Variants in BMPR2 observed in about 807,000 individuals in gnomAD.
BMPR2 encodes bone morphogenetic protein receptor type 2.
Under a neutral mutation model 100.8 loss-of-function variants are expected in BMPR2, and 29 were observed. The observed-to-expected ratio is 0.29, with a 90% CI of 0.21 to 0.39. BMPR2 has a LOEUF of 0.39. Ranked by LOEUF, BMPR2 falls within the 10% of genes least tolerant of loss-of-function variation. The pLI, the probability that BMPR2 is intolerant of heterozygous loss-of-function variation, is 1.00. For missense variants in BMPR2, 1,011 were observed against 1,274.5 expected (o/e 0.79, Z 3.15); for synonymous variants, 382 against 442.3 (o/e 0.86, Z 1.71).
intron 1 of BMPR2, among the ~76,000 whole-genome samples, chr2:202,422,436 A>C (rs973361336): frequency 3.2e-4 from 49 of 151,508 alleles, no homozygotes; most frequent in Admixed American, 3.0e-3. Flanking sequence ...CCTCCCGAGT[A>C]GCTGGGACTA....
At chr2:202,546,165 G>A (rs184398289) in intron 10 of BMPR2, among the ~76,000 whole-genome samples, 5 of 152,216 alleles carry the variant, frequency 3.3e-5, no homozygotes, top group Admixed American at 6.5e-5. Flanking sequence ...TAAATCTAAT[G>A]TGCTACAGTC....
rs565305507 is a variant in BMPR2, at chr2:202,435,528, T to G, written c.77-29281T>G. On this transcript the variant is annotated intron_variant, in intron 1 of 12. Transcript: ENST00000374580. ...AGTTTATGAAGTAAAGTTAGAGTAA[T>G]CTAAGGTTAATTTATTATCAAGGAA... is the stretch of plus-strand genomic sequence containing the variant. Among the ~76,000 whole-genome samples the G allele has an allele frequency of 1.3e-5, 2 of 149,366 alleles. 1 individual carries two copies. The highest frequency in any genetic ancestry group is 5.1e-5 in the African/African-American group (2 of 39,112).
At chr2:202,427,999 CAAAT>C (rs1178418555) in intron 1 of BMPR2, among the ~76,000 whole-genome samples, 14 of 151,936 alleles carry the variant, frequency 9.2e-5, no homozygotes, top group Non-Finnish European at 1.0e-4. Flanking sequence ...AACAAACAAA[CAAAT>C]AAAATAAATA....
In BMPR2 at chr2:202,566,776, G is replaced by T. The variant is rs1688770408; in HGVS notation, c.*6830G>T. 1 of 152,132 alleles carries T rather than the reference G, an allele frequency of 6.6e-6. No individual in the cohort carries two copies. The highest frequency in any genetic ancestry group is 2.4e-5 in the African/African-American group (1 of 41,444). 9.4% of individuals were successfully genotyped at this position (152,132 alleles called of 1,614,324 possible). On this transcript the variant is annotated 3_prime_UTR_variant, in exon 13 of 13. Coordinates refer to ENST00000374580, the MANE Select transcript of BMPR2 (RefSeq NM_001204.7). ...CCTGTATTTATCACATTGTCAAACAGAATTTTTCTTTGAATCAGACAAGTT... is the reference window on the plus strand; with the variant it reads ...CCTGTATTTATCACATTGTCAAACATAATTTTTCTTTGAATCAGACAAGTT...
intron 10 of BMPR2, 109 bp from the exon 11 acceptor site, chr2:202,552,607 A>C (rs1358022599): frequency 8.8e-7 from 1 of 1,140,340 alleles, no homozygotes; most frequent in Non-Finnish European, 1.3e-6. Context: ...GCTATGTAAA[A>C]TACTGGTTAA....
intron 7 of BMPR2, among the ~76,000 whole-genome samples, chr2:202,525,490 C>G (rs1687893064): frequency 6.6e-6 from 1 of 152,108 alleles, no homozygotes; most frequent in South Asian, 2.1e-4. Context: ...AGCCAGCGCA[C>G]CTGGCTGGCT....
chr2:202,426,555 C>G (rs1269564732), intron 1 of BMPR2, among the ~76,000 whole-genome samples: 9 of 114,078 alleles, frequency 7.9e-5, no homozygotes, highest in Non-Finnish European at 1.5e-4. Flanking sequence ...GGCGACAGAG[C>G]AAGTCTCCGT....
intron 1 of BMPR2, among the ~76,000 whole-genome samples, chr2:202,453,513 C>T (rs1559043193): frequency 6.6e-6 from 1 of 152,104 alleles, no homozygotes; most frequent in Non-Finnish European, 1.5e-5. Context: ...TTTGCAACAA[C>T]ATGGATTGGA....
In BMPR2 at chr2:202,530,811, A is replaced by G. The variant is rs1159004718; in HGVS notation, c.985A>G (p.Ile329Val). Residue 329 changes from isoleucine to valine, a missense_variant, in exon 8 of 13, where the codon ATT (isoleucine) becomes GTT (valine). Ile to Val is a conservative substitution (Grantham distance 29, BLOSUM62 3). Transcript: ENST00000374580. ...LPRGDHYKPA[I>V]SHRDLNSRNV... ...CCAAACAGATCATTATAAACCTGCAATTTCCCATCGAGATTTAAACAGCAG... is the reference window on the plus strand; with the variant it reads ...CCAAACAGATCATTATAAACCTGCAGTTTCCCATCGAGATTTAAACAGCAG... 4.3e-6 allele frequency: 7 copies of G among 1,613,010 alleles called. No homozygotes were observed. The highest frequency in any genetic ancestry group is 2.2e-5 in the South Asian group (2 of 90,990).
intron 1 of BMPR2, among the ~76,000 whole-genome samples, chr2:202,393,932 A>AGAGAGAGAGAGAGAGAGATT (rs1553494924): frequency 8.1e-6 from 1 of 122,912 alleles, no homozygotes; most frequent in African/African-American, 3.2e-5. Flanking sequence ...AGAGAGAGAG[A>AGAGAGAGAGAGAGAGAGATT]GATTCCTGTG....
chr2:202,404,152 ATTGT>A (rs1690831149), intron 1 of BMPR2, among the ~76,000 whole-genome samples: 1 of 149,692 alleles, frequency 6.7e-6, no homozygotes, highest in Non-Finnish European at 1.5e-5. Flanking sequence ...AAAATGACTT[ATTGT>A]CATTTTAGAG....
chr2:202,550,731 A>C (rs1042588121), intron 10 of BMPR2, among the ~76,000 whole-genome samples: 45 of 152,196 alleles, frequency 3.0e-4, no homozygotes, highest in Non-Finnish European at 3.5e-4. Context: ...TAGGTCCAGG[A>C]GTTCAAGGCT....
chr2:202,480,896 A>G (rs1368068364), intron 3 of BMPR2, among the ~76,000 whole-genome samples: 1 of 140,174 alleles, frequency 7.1e-6, no homozygotes, highest in African/African-American at 2.7e-5. Flanking sequence ...TGGAGGTTGC[A>G]GTGAGCCGAG....
intron 9 of BMPR2, among the ~76,000 whole-genome samples, chr2:202,537,169 T>C (rs1042938902): frequency 1.3e-5 from 2 of 152,204 alleles, no homozygotes; most frequent in Non-Finnish European, 2.9e-5. Context: ...ATGCTGTGAT[T>C]GCAGGCATGA....
chr2:202,451,592 G>A (rs1338584930), intron 1 of BMPR2, among the ~76,000 whole-genome samples: 2 of 152,060 alleles, frequency 1.3e-5, no homozygotes, highest in African/African-American at 4.8e-5. Context: ...CCAGCTACTC[G>A]GGTGGCTGAG....
chr2:202,472,280 TAGG>T (rs1398967855), intron 3 of BMPR2, among the ~76,000 whole-genome samples: 2 of 152,224 alleles, frequency 1.3e-5, no homozygotes, highest in African/African-American at 4.8e-5. Context: ...TAGCTTCTAT[TAGG>T]AGATTGTATT....
intron 1 of BMPR2, among the ~76,000 whole-genome samples, chr2:202,423,252 A>C (rs1249624608): frequency 6.6e-6 from 1 of 152,196 alleles, no homozygotes; most frequent in African/African-American, 2.4e-5. Context: ...ACCTCCTTGG[A>C]ATAGAAAAGC....
chr2:202,499,316 G>C (rs1042739687), intron 3 of BMPR2, among the ~76,000 whole-genome samples: 6 of 152,206 alleles, frequency 3.9e-5, no homozygotes, highest in African/African-American at 7.2e-5. Context: ...TGCGGCTTTA[G>C]CTGCAGCCCG....
At chr2:202,476,515 G>A (rs1430847098) in intron 3 of BMPR2, among the ~76,000 whole-genome samples, 1 of 152,168 alleles carries the variant, frequency 6.6e-6, no homozygotes, top group Admixed American at 6.6e-5. Context: ...TAGGCTGGGT[G>A]CGGTGGCTCA....
Sources: gnomAD v4.1 joint callset for allele counts (sites outside exome capture counted in the v4.1 genomes callset) on GRCh38, gnomAD v4.1.1 for gene constraint, MANE v1.5 for transcripts, NCBI Gene and HGNC (gene_info 2026-07-23, HGNC 2026-07-21) for gene names.